The following DAZL variants were observed in gnomAD, a reference collection of about 807,000 sequenced individuals.
The protein encoded by DAZL is deleted in azoospermia-like.
A neutral mutation model predicts 45.0 loss-of-function variants in DAZL; 4 were observed. That is an observed-to-expected ratio of 0.09 (90% CI 0.04 to 0.20). The LOEUF is 0.20. Ranked by LOEUF, DAZL falls within the 10% of genes least tolerant of loss-of-function variation. The pLI is 1.00. For synonymous variants in DAZL, 122 were observed against 112.4 expected (o/e 1.09, Z -0.54); for missense variants, 326 against 351.3 (o/e 0.93, Z 0.58).
intron 8 of DAZL, among the ~76,000 whole-genome samples, chr3:16,594,173 A>G (rs1303438928): frequency 1.3e-5 from 2 of 152,194 alleles, no homozygotes; most frequent in Non-Finnish European, 2.9e-5. Flanking sequence ...CCTCTTCAAC[A>G]GTTTTTTTTA....
rs1202440542 is a variant in DAZL at position 16,598,551 on chromosome 3, G to A, written c.51C>T (p.Ala17=). 6.2e-7 allele frequency: 1 copy of A among 1,603,054 alleles called. No individual in the cohort carries two copies. Among genetic ancestry groups the A allele is most frequent in the Non-Finnish European group, 8.5e-7 (1 of 1,179,086 alleles). Residue 17 remains alanine, a synonymous_variant, in exon 2 of 11, where the codon GCC becomes GCT. Coordinates refer to ENST00000399444, the MANE Select transcript of DAZL (RefSeq NM_001351.4). ...TTGCAGCTGATGAGGACTGGGTGCTGGCCTCTCTGGAGATGGTTGAGTTTG... is the reference window on the plus strand; with the variant it reads ...TTGCAGCTGATGAGGACTGGGTGCTAGCCTCTCTGGAGATGGTTGAGTTTG... ...ETPNSTISRE[A]STQSSSAATS... is the part of the protein sequence containing the mutation.
intron 1 of DAZL, among the ~76,000 whole-genome samples, chr3:16,602,922 A>C (rs1193340594): frequency 6.6e-6 from 1 of 152,240 alleles, no homozygotes; most frequent in Non-Finnish European, 1.5e-5. Context: ...ACAAAGGTGA[A>C]CATTAATACA....
chr3:16,591,987 A>G, intron 10 of DAZL, 63 bp downstream of exon 10: 2 of 1,545,748 alleles, frequency 1.3e-6, no homozygotes, highest in East Asian at 2.3e-5. Context: ...TACCACAAGG[A>G]AAACAGATAC....
chr3:16,592,031 G>A lies in DAZL; in HGVS notation c.834+19C>T, dbSNP rs147306731. The A allele has an allele frequency of 3.0e-4, 489 of 1,605,676 alleles. 5 individuals carry two copies. In the East Asian group the frequency reaches 6.6e-3, roughly 22 times the overall value. Reference sequence around the variant, plus strand: ...TAACAAGTGTGCTTTTTAATTGTGCGTAACTGTTATATTCATACCTTGAAG... The same window carrying A: ...TAACAAGTGTGCTTTTTAATTGTGCATAACTGTTATATTCATACCTTGAAG... On this transcript the variant is annotated intron_variant, in intron 10 of 10. Transcript: ENST00000399444.
intron 9 of DAZL, among the ~76,000 whole-genome samples, chr3:16,593,058 G>GT (rs1290066409): frequency 4.9e-5 from 5 of 101,768 alleles, no homozygotes; most frequent in East Asian, 1.9e-4. Context: ...AGAGAATGCC[G>GT]TAAGTAATGT....
At chr3:16,604,370 TCG>T in intron 1 of DAZL, 3 of 1,344,090 alleles carry the variant, frequency 2.2e-6, no homozygotes, top group Middle Eastern at 1.8e-4. Context: ...TCCTGGTTTA[TCG>T]AGAGGGAAAA....
chr3:16,594,740 T>G (rs1401664263), intron 7 of DAZL, among the ~76,000 whole-genome samples, 157 bp from the exon 8 acceptor site: 1 of 152,084 alleles, frequency 6.6e-6, no homozygotes, highest in Non-Finnish European at 1.5e-5. Flanking sequence ...ATGTTTCTAA[T>G]CCCTGATGTT....
intron 1 of DAZL, chr3:16,604,929 G>T: frequency 1.5e-6 from 1 of 679,412 alleles, no homozygotes; most frequent in East Asian, 2.8e-5. Flanking sequence ...CAAGAAGGCC[G>T]TGGCCCTTGC....
At chr3:16,602,426 A>AGAGAGG (rs1314994224) in intron 1 of DAZL, among the ~76,000 whole-genome samples, 1 of 152,194 alleles carries the variant, frequency 6.6e-6, no homozygotes, top group African/African-American at 2.4e-5. Context: ...TTTGTGTCAG[A>AGAGAGG]GAGAGGTGCA....
At chr3:16,601,352 G>A (rs1362596725) in intron 1 of DAZL, among the ~76,000 whole-genome samples, 1 of 152,130 alleles carries the variant, frequency 6.6e-6, no homozygotes, top group Non-Finnish European at 1.5e-5. Flanking sequence ...AACTGGAATC[G>A]TAAATATAAA....
At position 16,589,135 on chromosome 3, in the gene DAZL, T is replaced by C. The variant is rs368330306; in HGVS notation, c.835-422A>G. Reference sequence around the variant, plus strand: ...TGTGAACAGCTCTCCAATCTGAAATTTCATGTTTTTAGGTTAAAAGATGTA... The same window carrying C: ...TGTGAACAGCTCTCCAATCTGAAATCTCATGTTTTTAGGTTAAAAGATGTA... On this transcript the variant is annotated intron_variant, in intron 10 of 10. Transcript: ENST00000399444. Among the ~76,000 whole-genome samples the C allele has an allele frequency of 9.9e-5, 15 of 152,166 alleles. No homozygotes were observed. In the East Asian group the frequency reaches 1.5e-3, roughly 16 times the overall value.
intron 6 of DAZL, among the ~76,000 whole-genome samples, chr3:16,596,228 C>CAAATCCTACTTTAAATA (rs2125045927): frequency 6.6e-6 from 1 of 152,082 alleles, no homozygotes; most frequent in East Asian, 1.9e-4. Context: ...GATAGTATGT[C>CAAATCCTACTTTAAATA]AAATCCTACT....
At chr3:16,599,292 A>C (rs1034721040) in intron 1 of DAZL, among the ~76,000 whole-genome samples, 33 of 152,352 alleles carry the variant, frequency 2.2e-4, no homozygotes, top group Non-Finnish European at 2.9e-4. Flanking sequence ...GAGTACACTA[A>C]TAAAAAGGAT....
chr3:16,601,397 T>A (rs1330169091), intron 1 of DAZL, among the ~76,000 whole-genome samples: 4 of 152,192 alleles, frequency 2.6e-5, no homozygotes, highest in Non-Finnish European at 5.9e-5. Context: ...TAATAACATC[T>A]TAAATTAAGG....
At chr3:16,594,452 G>C in intron 8 of DAZL, 81 bp downstream of exon 8, 1 of 1,061,916 alleles carries the variant, frequency 9.4e-7, no homozygotes, top group Non-Finnish European at 1.4e-6. Context: ...ATATGACATG[G>C]AAAACAATCA....
At chr3:16,591,369 C>T (rs1359434823) in intron 10 of DAZL, among the ~76,000 whole-genome samples, 2 of 152,106 alleles carry the variant, frequency 1.3e-5, no homozygotes, top group Non-Finnish European at 2.9e-5. Flanking sequence ...TCTCCCTTCA[C>T]ACTGTTCAGG....
In DAZL at chr3:16,595,362, T is replaced by C; in HGVS notation, c.522A>G (p.Ser174=). The C allele has an allele frequency of 1.3e-6, 2 of 1,584,110 alleles. No homozygotes were observed. The highest frequency in any genetic ancestry group is 3.4e-5 in the Admixed American group (2 of 58,700). The change falls in exon 7 of 11, where the codon TCA becomes TCG. Residue 174 remains serine (S), a synonymous_variant. Transcript: ENST00000399444. The stretch of plus-strand genomic sequence containing the variant: ...GATATCCAGTGATGACCTGAACTGG[T>C]GAATTTGGGTAAGTAGGATATGCCT... The part of the protein sequence containing the change: ...YVQAYPTYPN[S]PVQVITGYQL...
chr3:16,592,278 T>C, intron 9 of DAZL, 130 bp from the exon 10 acceptor site: 1 of 1,375,526 alleles, frequency 7.3e-7, no homozygotes, highest in South Asian at 1.2e-5. Flanking sequence ...TAAAAGAGAC[T>C]GGGAGTGGTG....
At chr3:16,596,448 A>G (rs753390274) in intron 6 of DAZL, among the ~76,000 whole-genome samples, 1 of 152,014 alleles carries the variant, frequency 6.6e-6, no homozygotes, top group East Asian at 1.9e-4. Flanking sequence ...AGACAGACAC[A>G]TAACGATAGC....
Sources: allele counts gnomAD v4.1 joint callset (sites outside exome capture counted in the v4.1 genomes callset), GRCh38; gene constraint gnomAD v4.1.1; transcripts MANE v1.5; gene names NCBI Gene and HGNC (gene_info 2026-07-23, HGNC 2026-07-21).